STAU2: variants seen among roughly 807,000 people sequenced by gnomAD.
The protein encoded by STAU2 is double-stranded RNA-binding protein Staufen homolog 2.
A neutral mutation model predicts 65.9 loss-of-function variants in STAU2; 20 were observed. The observed-to-expected ratio is 0.30, with a 90% CI of 0.21 to 0.44. The LOEUF (loss-of-function observed/expected upper bound fraction) is 0.44. Ranked by LOEUF, STAU2 falls within the 20% of genes least tolerant of loss-of-function variation. The pLI, the probability that STAU2 is intolerant of heterozygous loss-of-function variation, is 1.00. For missense variants in STAU2, 558 were observed against 683.9 expected (o/e 0.82, Z 2.05); for synonymous variants, 232 against 233.9 (o/e 0.99, Z 0.07).
intron 12 of STAU2, 27 bp downstream of exon 12, chr8:73,582,743 G>A (rs778086563): frequency 1.9e-6 from 3 of 1,609,720 alleles, no homozygotes; most frequent in East Asian, 4.5e-5. Flanking sequence ...AACACCAAGT[G>A]CAGACAACAT....
At chr8:73,432,474 T>C (rs1351558115) in intron 13 of STAU2, among the ~76,000 whole-genome samples, 1 of 152,338 alleles carries the variant, frequency 6.6e-6, no homozygotes, top group East Asian at 1.9e-4. Flanking sequence ...AGTATGTCAA[T>C]ATTAATATTT....
chr8:73,702,809 C>G (rs1820207764), intron 4 of STAU2, among the ~76,000 whole-genome samples: 1 of 152,118 alleles, frequency 6.6e-6, no homozygotes, highest in Non-Finnish European at 1.5e-5. Flanking sequence ...TTATCAGTCA[C>G]TACGGAAGTG....
At chr8:73,425,867 A>C (rs1408887393) in intron 13 of STAU2, among the ~76,000 whole-genome samples, 3 of 151,730 alleles carry the variant, frequency 2.0e-5, no homozygotes, top group Non-Finnish European at 4.4e-5. Context: ...ATCTTGACTC[A>C]CTGCAACCTC....
chr8:73,741,521 C>CT (rs1563542108), intron 1 of STAU2, among the ~76,000 whole-genome samples: 2 of 137,616 alleles, frequency 1.5e-5, no homozygotes, highest in Non-Finnish European at 1.6e-5. Context: ...TTTTTTTTTT[C>CT]TTTTTTTTTG....
chr8:73,457,571 A>C, intron 13 of STAU2, among the ~76,000 whole-genome samples: 1 of 152,286 alleles, frequency 6.6e-6, no homozygotes, highest in South Asian at 2.1e-4. Context: ...CAAAATAAAA[A>C]GATGGGGGAG....
intron 5 of STAU2, among the ~76,000 whole-genome samples, chr8:73,684,988 A>G (rs1211387396): frequency 2.6e-5 from 4 of 152,176 alleles, no homozygotes; most frequent in Non-Finnish European, 4.4e-5. Context: ...AGGGAGAGAC[A>G]AAGTGGAGGT....
At chr8:73,484,415 C>G (rs188687466) in intron 13 of STAU2, among the ~76,000 whole-genome samples, 47 of 152,146 alleles carry the variant, frequency 3.1e-4, no homozygotes, top group African/African-American at 1.1e-3. Flanking sequence ...TAGAGGTCAG[C>G]TTGGTGGATC....
At chr8:73,448,585 G>A (rs1043004321) in intron 13 of STAU2, among the ~76,000 whole-genome samples, 1 of 152,304 alleles carries the variant, frequency 6.6e-6, no homozygotes, top group African/African-American at 2.4e-5. Context: ...GCCCGGCTAG[G>A]AGACACAAGT....
At chr8:73,649,531 T>G (rs1313988939) in intron 6 of STAU2, among the ~76,000 whole-genome samples, 1 of 152,076 alleles carries the variant, frequency 6.6e-6, no homozygotes, top group African/African-American at 2.4e-5. Context: ...ACTCTGTAAT[T>G]TGGTATCTTC....
intron 11 of STAU2, among the ~76,000 whole-genome samples, chr8:73,585,311 T>C: frequency 6.6e-6 from 1 of 152,102 alleles, no homozygotes; most frequent in East Asian, 1.9e-4. Context: ...AGAAACCCCG[T>C]CTCTACTAAA....
chr8:73,657,158 C>T (rs1418963156), intron 6 of STAU2, among the ~76,000 whole-genome samples: 2 of 152,104 alleles, frequency 1.3e-5, no homozygotes, highest in Non-Finnish European at 2.9e-5. Context: ...CAGTACAACA[C>T]AGATCAAGTG....
chr8:73,636,733 CACA>C (rs1814544092), intron 6 of STAU2, among the ~76,000 whole-genome samples: 1 of 151,336 alleles, frequency 6.6e-6, no homozygotes, highest in Non-Finnish European at 1.5e-5. Context: ...TGTGGTGGCA[CACA>C]GCTGTAATCC....
intron 5 of STAU2, among the ~76,000 whole-genome samples, chr8:73,674,953 T>G (rs547257680): frequency 1.4e-4 from 21 of 151,856 alleles, no homozygotes; most frequent in African/African-American, 5.1e-4. Context: ...AGTATCCACT[T>G]AAGAGGCCTA....
Position 73,420,509 on chromosome 8 carries a change from A to C in STAU2, c.*863T>G. On this transcript the variant is annotated 3_prime_UTR_variant, in exon 15 of 15. Transcript: ENST00000524300. ...ATGTACATTATTTATTTTTGATCCT[A>C]CTCACTGTCCCAAGTCCAGAGGCAG... 4.2e-6 allele frequency: 1 copy of C among 236,172 alleles called. No individual in the cohort carries two copies. Among genetic ancestry groups the C allele is most frequent in the Non-Finnish European group, 8.7e-6 (1 of 114,314 alleles). 14.6% of individuals were successfully genotyped at this position (236,172 alleles called of 1,614,324 possible). A position where few individuals can be genotyped will look rare whatever the true frequency, so the allele number is the denominator to read the frequency against.
chr8:73,526,527 A>C (rs1199253813), intron 13 of STAU2, among the ~76,000 whole-genome samples: 1 of 152,248 alleles, frequency 6.6e-6, no homozygotes, highest in African/African-American at 2.4e-5. Context: ...CTAGTGAGAT[A>C]GAAGAAAAGA....
At chr8:73,632,724 T>TGAAC (rs1814192446) in intron 6 of STAU2, among the ~76,000 whole-genome samples, 1 of 152,166 alleles carries the variant, frequency 6.6e-6, no homozygotes, top group Non-Finnish European at 1.5e-5. Flanking sequence ...GGCCAGAAAC[T>TGAAC]GAACACTTCA....
chr8:73,574,887 C>G (rs963640533), intron 12 of STAU2, among the ~76,000 whole-genome samples: 3 of 150,336 alleles, frequency 2.0e-5, no homozygotes, highest in Non-Finnish European at 4.4e-5. Context: ...GCACATGTAC[C>G]CTAGAACTTA....
At chr8:73,747,453 C>G (rs1262943028), upstream of STAU2, 1 of 1,534,772 alleles carries the variant, frequency 6.5e-7, no homozygotes, top group African/African-American at 1.4e-5. Context: ...CGCGTCTGCT[C>G]CGGCCGCCGC....
chr8:73,548,779 C>T (rs1400121470), intron 13 of STAU2, among the ~76,000 whole-genome samples: 1 of 152,190 alleles, frequency 6.6e-6, no homozygotes, highest in East Asian at 1.9e-4. Flanking sequence ...AACACTGTTA[C>T]AGTGGATGAT....
Sources: gnomAD v4.1 joint callset for allele counts (sites outside exome capture counted in the v4.1 genomes callset) on GRCh38, gnomAD v4.1.1 for gene constraint, MANE v1.5 for transcripts, NCBI Gene and HGNC (gene_info 2026-07-23, HGNC 2026-07-21) for gene names.